The following KCNIP4 variants were observed in gnomAD, a reference collection of about 807,000 sequenced individuals.
KCNIP4 encodes the protein Kv channel-interacting protein 4.
Under a neutral mutation model 34.0 loss-of-function variants are expected in KCNIP4, and 12 were observed. The ratio of observed to expected loss-of-function variants is 0.35; its 90% CI spans 0.23 to 0.57. KCNIP4 has a LOEUF of 0.57. Among genes scored for constraint, KCNIP4 ranks in the 20% least tolerant of loss-of-function variants. The pLI, the probability that KCNIP4 is intolerant of heterozygous loss-of-function variation, is 0.83. For missense variants in KCNIP4, 238 were observed against 311.7 expected (o/e 0.76, Z 1.78); for synonymous variants, 124 against 102.2 (o/e 1.21, Z -1.29).
intron 1 of KCNIP4, among the ~76,000 whole-genome samples, chr4:21,108,074 G>A (rs1468051168): frequency 1.3e-5 from 2 of 151,190 alleles, no homozygotes; most frequent in African/African-American, 4.9e-5. Flanking sequence ...TGACAATTAT[G>A]TGTCTTGGAG....
At chr4:21,534,691 T>C (rs1160058866) in intron 1 of KCNIP4, among the ~76,000 whole-genome samples, 1 of 152,120 alleles carries the variant, frequency 6.6e-6, no homozygotes, top group Non-Finnish European at 1.5e-5. Context: ...CATGAGGGGC[T>C]GCTGAATGAC....
chr4:21,410,275 C>A (rs931040576), intron 1 of KCNIP4, among the ~76,000 whole-genome samples: 2 of 152,178 alleles, frequency 1.3e-5, no homozygotes, highest in East Asian at 3.9e-4. Context: ...AATAGTTCTG[C>A]AAATTCTTTG....
chr4:21,526,896 G>A lies in KCNIP4; in HGVS notation c.61+421675C>T, dbSNP rs145787163. Among the ~76,000 whole-genome samples, 860 of 152,274 alleles carry A rather than the reference G, an allele frequency of 5.6e-3. 5 individuals carry two copies. The highest frequency in any genetic ancestry group is 7.0e-3 in the Non-Finnish European group (479 of 68,022). ...TTTTAATGAAATGCCTGGGCAATGT[G>A]AGGAAATGCTTTTTCCTTATCAGAT... On this transcript the variant is annotated intron_variant, in intron 1 of 8. Transcript: ENST00000382152.
intron 1 of KCNIP4, among the ~76,000 whole-genome samples, chr4:20,934,160 T>C (rs1730793327): frequency 6.6e-6 from 1 of 152,210 alleles, no homozygotes; most frequent in Non-Finnish European, 1.5e-5. Flanking sequence ...CTGAAGTTCA[T>C]AAAATAATTT....
At chr4:21,487,504 A>G (rs1732018492) in intron 1 of KCNIP4, among the ~76,000 whole-genome samples, 1 of 143,874 alleles carries the variant, frequency 7.0e-6, no homozygotes, top group Non-Finnish European at 1.5e-5. Flanking sequence ...ATTCTTTTTT[A>G]TCCTCCCTTT....
chr4:21,726,483 G>A (rs1715203778), intron 1 of KCNIP4, among the ~76,000 whole-genome samples: 1 of 152,166 alleles, frequency 6.6e-6, no homozygotes, highest in South Asian at 2.1e-4. Flanking sequence ...TAGAGCACAA[G>A]TTAGAAAAAT....
intron 1 of KCNIP4, among the ~76,000 whole-genome samples, chr4:21,291,866 AAAAAGAAAGAAAGAAAGAAAGAAAG>A (rs1460300416): frequency 0.019 from 1,187 of 61,908 alleles, 115 homozygotes; most frequent in South Asian, 0.11. Flanking sequence ...AAAAAAAAAA[AAAAAGAAAGAAAGAAAGAAAGAAAG>A]AAAGAAAGAA....
intron 1 of KCNIP4, among the ~76,000 whole-genome samples, chr4:21,365,775 C>T (rs916075044): frequency 6.6e-6 from 1 of 152,044 alleles, no homozygotes; most frequent in Non-Finnish European, 1.5e-5. Context: ...TAATTTGAAG[C>T]CTGAGATCAG....
At chr4:20,850,795 A>C in intron 2 of KCNIP4, 128 bp from the exon 3 acceptor site, 19 of 1,074,174 alleles carry the variant, frequency 1.8e-5, no homozygotes, top group South Asian at 3.7e-5. Context: ...AAGGACCCTC[A>C]CAATGCCTAT....
At chr4:21,203,558 C>T (rs558478581) in intron 1 of KCNIP4, among the ~76,000 whole-genome samples, 72 of 152,294 alleles carry the variant, frequency 4.7e-4, no homozygotes, top group African/African-American at 1.7e-3. Context: ...ACACACATCT[C>T]TAGCTTGCTG....
intron 1 of KCNIP4, among the ~76,000 whole-genome samples, chr4:21,628,683 T>C (rs1745500758): frequency 6.6e-6 from 1 of 152,164 alleles, no homozygotes; most frequent in Non-Finnish European, 1.5e-5. Flanking sequence ...TTCAATGTGA[T>C]CCTATGTTGT....
intron 1 of KCNIP4, among the ~76,000 whole-genome samples, chr4:21,422,659 TTGTGTG>T (rs3083787): frequency 8.5e-4 from 125 of 147,720 alleles, no homozygotes; most frequent in African/African-American, 2.0e-3. Flanking sequence ...ATGTGTGTGT[TTGTGTG>T]TGTGTGTGTG....
intron 1 of KCNIP4, among the ~76,000 whole-genome samples, chr4:21,689,459 AT>A (rs1250581047): frequency 6.6e-6 from 1 of 151,860 alleles, no homozygotes; most frequent in African/African-American, 2.4e-5. Flanking sequence ...GGTCTTCCCA[AT>A]TGTGAGGTTA....
chr4:21,670,252 T>C (rs1749366076), intron 1 of KCNIP4, among the ~76,000 whole-genome samples: 1 of 151,982 alleles, frequency 6.6e-6, no homozygotes. Context: ...TAAAAAATGA[T>C]GAGTTCATGG....
At chr4:21,898,930 C>T (rs546436765) in intron 1 of KCNIP4, among the ~76,000 whole-genome samples, 26 of 152,222 alleles carry the variant, frequency 1.7e-4, no homozygotes, top group Non-Finnish European at 2.9e-4. Flanking sequence ...CTGAATGGTG[C>T]TGGTCTGATA....
intron 1 of KCNIP4, among the ~76,000 whole-genome samples, chr4:21,365,883 T>C (rs1021472259): frequency 6.6e-6 from 1 of 152,224 alleles, no homozygotes; most frequent in African/African-American, 2.4e-5. Flanking sequence ...TTCTGAAATA[T>C]CTGAAATTAC....
At chr4:21,899,817 A>C (rs927046774) in intron 1 of KCNIP4, among the ~76,000 whole-genome samples, 1 of 152,164 alleles carries the variant, frequency 6.6e-6, no homozygotes. Flanking sequence ...AAGATATCCC[A>C]TGTTCATGGA....
Position 21,494,139 on chromosome 4 carries a change from C to G in KCNIP4, c.61+454432G>C, listed in dbSNP as rs930051802. Reference sequence around the variant, plus strand: ...ATCAAACACCTTGTCAGTCAGCACACTAGGAATCTGACCCAGAGCTGAGTA... The same window carrying G: ...ATCAAACACCTTGTCAGTCAGCACAGTAGGAATCTGACCCAGAGCTGAGTA... On this transcript the variant is annotated intron_variant, in intron 1 of 8. Transcript: ENST00000382152. Among the ~76,000 whole-genome samples the G allele has an allele frequency of 5.9e-5, 9 of 152,162 alleles. No homozygotes were observed. The East Asian group carries it at 1.7e-3, about 29-fold the overall frequency.
intron 1 of KCNIP4, among the ~76,000 whole-genome samples, chr4:21,143,916 G>C (rs1403687385): frequency 6.6e-6 from 1 of 151,790 alleles, no homozygotes; most frequent in Non-Finnish European, 1.5e-5. Flanking sequence ...CACCATCTTG[G>C]CCAGGCTGGT....
Sources: allele counts gnomAD v4.1 joint callset (sites outside exome capture counted in the v4.1 genomes callset), GRCh38; gene constraint gnomAD v4.1.1; transcripts MANE v1.5; gene names NCBI Gene and HGNC (gene_info 2026-07-23, HGNC 2026-07-21).